Variants in LMO1 observed in about 807,000 individuals in gnomAD.
LMO1 encodes LIM domain only 1.
A neutral mutation model predicts 18.0 loss-of-function variants in LMO1; 10 were observed. The ratio of observed to expected loss-of-function variants is 0.55; its 90% CI spans 0.34 to 0.94. LMO1 has a LOEUF of 0.94. Among genes scored for constraint, LMO1 ranks in the 40% least tolerant of loss-of-function variants. LMO1 has a pLI of 0.02. For missense variants in LMO1, 183 were observed against 205.7 expected, an observed-to-expected ratio of 0.89 and a Z score of 0.68; for synonymous variants, 77 against 77.9, an observed-to-expected ratio of 0.99 and a Z score of 0.06.
Position 8,230,807 on chromosome 11 carries a change from TCTATCCC to T in LMO1, c.26-310_26-304del, listed in dbSNP as rs529340639. ...TGAGTTGTTCCTCCCTACCATGGCC[TCTATCCC>T]CTGTGCGGTCTCATCCGGAGTAAGC... On this transcript the variant is annotated intron_variant, in intron 1 of 3. Transcript: ENST00000335790. Among the ~76,000 whole-genome samples the T allele has an allele frequency of 1.5e-3, 235 of 152,318 alleles. 1 individual carries two copies. The highest frequency in any genetic ancestry group is 5.5e-3 in the African/African-American group (227 of 41,576).
At chr11:8,233,526 G>A (rs1041784353) in intron 1 of LMO1, among the ~76,000 whole-genome samples, 1 of 152,196 alleles carries the variant, frequency 6.6e-6, no homozygotes, top group African/African-American at 2.4e-5. Flanking sequence ...CTTCCTCATA[G>A]GGCATCCATG....
At chr11:8,227,543 C>A (rs7482131) in intron 2 of LMO1, among the ~76,000 whole-genome samples, 2 of 152,150 alleles carry the variant, frequency 1.3e-5, no homozygotes, top group Admixed American at 1.3e-4. Context: ...GAAACACACC[C>A]TTTATGGGGT....
intron 1 of LMO1, among the ~76,000 whole-genome samples, chr11:8,251,794 G>C (rs1230711244): frequency 7.3e-5 from 11 of 151,430 alleles, no homozygotes; most frequent in Non-Finnish European, 1.5e-5. Flanking sequence ...GAGGGGTGTG[G>C]AGTGCGTGTG....
chr11:8,243,827 G>C (rs1478440705), intron 1 of LMO1, among the ~76,000 whole-genome samples: 1 of 152,190 alleles, frequency 6.6e-6, no homozygotes, highest in South Asian at 2.1e-4. Flanking sequence ...GCCCACAGAG[G>C]ATGTTCCTGG....
chr11:8,236,145 C>T (rs114922407), intron 1 of LMO1, among the ~76,000 whole-genome samples: 1,837 of 152,162 alleles, frequency 0.012, 29 homozygotes, highest in African/African-American at 0.038. Context: ...AGCTCCAGGA[C>T]CCTCTGGCTG....
chr11:8,255,946 C>T (rs1847089405), intron 1 of LMO1, among the ~76,000 whole-genome samples: 1 of 151,086 alleles, frequency 6.6e-6, no homozygotes, highest in Non-Finnish European at 1.5e-5. Context: ...CTGCCTCAGC[C>T]TCCTGAGTAG....
intron 1 of LMO1, among the ~76,000 whole-genome samples, chr11:8,243,159 T>C (rs530808183): frequency 6.8e-4 from 104 of 152,290 alleles, no homozygotes; most frequent in African/African-American, 2.5e-3. Context: ...CTGGGATGCC[T>C]GCCTGAGGCA....
intron 1 of LMO1, among the ~76,000 whole-genome samples, chr11:8,240,427 G>C (rs1846764597): frequency 6.6e-6 from 1 of 152,136 alleles, no homozygotes; most frequent in South Asian, 2.1e-4. Flanking sequence ...CTCTGGTTTG[G>C]GGCAACAGCA....
intron 1 of LMO1, among the ~76,000 whole-genome samples, chr11:8,253,536 A>G (rs1406125496): frequency 6.6e-6 from 1 of 152,256 alleles, no homozygotes; most frequent in Non-Finnish European, 1.5e-5. Context: ...TTTTACAAAT[A>G]GGAAAACTGA....
chr11:8,266,113 A>G (rs1847258242), upstream of LMO1, among the ~76,000 whole-genome samples: 1 of 152,306 alleles, frequency 6.6e-6, no homozygotes, highest in Non-Finnish European at 1.5e-5. Flanking sequence ...CAGGTAGGGC[A>G]TGCCAGCAGG....
chr11:8,247,336 G>C (rs1025713726), intron 1 of LMO1, among the ~76,000 whole-genome samples: 2 of 152,182 alleles, frequency 1.3e-5, no homozygotes, highest in Non-Finnish European at 2.9e-5. Flanking sequence ...CCTGGCACAG[G>C]GATGTGCCAG....
intron 1 of LMO1, among the ~76,000 whole-genome samples, chr11:8,245,494 AG>A (rs1277886828): frequency 1.3e-5 from 2 of 152,208 alleles, no homozygotes; most frequent in Non-Finnish European, 1.5e-5. Context: ...CTAGGCAAGT[AG>A]TAGCTATTTA....
At position 8,224,710 on chromosome 11, in the gene LMO1, C is replaced by A; in HGVS notation, c.377G>T (p.Gly126Val). 1 of 1,601,604 alleles carries A rather than the reference C, an allele frequency of 6.2e-7. No individual in the cohort carries two copies. The highest frequency in any genetic ancestry group is 8.5e-7 in the Non-Finnish European group (1 of 1,173,118). ...GTTGTTCTTCAGGAAGAATTTGTCT[C>A]CCACACAAAATCTAGAAAATCCAAG... is the stretch of plus-strand genomic sequence containing the variant. ...CQLCNQRFCVGDKFFLKNNMI... is the reference protein window; with the variant it reads ...CQLCNQRFCVVDKFFLKNNMI... Residue 126 changes from glycine to valine, a missense_variant, in exon 4 of 4, where the codon GGA (glycine) becomes GTA (valine). Physicochemically the swap from Gly to Val is moderately radical, Grantham distance 109. Coordinates refer to ENST00000335790, the MANE Select transcript of LMO1 (RefSeq NM_002315.3).
At chr11:8,257,310 C>G (rs1847113554) in intron 1 of LMO1, among the ~76,000 whole-genome samples, 1 of 152,196 alleles carries the variant, frequency 6.6e-6, no homozygotes, top group African/African-American at 2.4e-5. Context: ...TCCTCCAACT[C>G]CAGACAGGAC....
At chr11:8,235,504 A>C (rs1952746990) in intron 1 of LMO1, among the ~76,000 whole-genome samples, 1 of 152,224 alleles carries the variant, frequency 6.6e-6, no homozygotes, top group African/African-American at 2.4e-5. Context: ...TTGACATAAC[A>C]TTATTATCTA....
chr11:8,253,473 A>C (rs1847038694), intron 1 of LMO1, among the ~76,000 whole-genome samples: 1 of 152,172 alleles, frequency 6.6e-6, no homozygotes, highest in Non-Finnish European at 1.5e-5. Flanking sequence ...AGAATGACTT[A>C]GCAGCAGAGG....
chr11:8,241,629 T>G (rs1410094008), intron 1 of LMO1, among the ~76,000 whole-genome samples: 1 of 152,182 alleles, frequency 6.6e-6, no homozygotes, highest in Non-Finnish European at 1.5e-5. Context: ...TATACTTGGC[T>G]CCTTCTCATC....
chr11:8,238,670 CAAAAAAAAAA>C lies in LMO1; in HGVS notation c.26-8176_26-8167del, dbSNP rs11375128. ...TGGGCGACAGAGTGAGACTCCATCT[CAAAAAAAAAA>C]AAAAAAAAAAAAGAATACTGGTTAC... On this transcript the variant is annotated intron_variant, in intron 1 of 3. Transcript: ENST00000335790. Among the ~76,000 whole-genome samples the C allele has an allele frequency of 2.9e-3, 178 of 60,888 alleles. 1 individual carries two copies. The highest frequency in any genetic ancestry group is 4.3e-3 in the Non-Finnish European group (152 of 35,108). 39.9% of individuals were successfully genotyped at this position (60,888 alleles called of 152,430 possible). A position where few individuals can be genotyped will look rare whatever the true frequency, so the allele number is the denominator to read the frequency against.
intron 3 of LMO1, 117 bp downstream of exon 3, chr11:8,226,858 A>G (rs953329723): frequency 1.4e-6 from 2 of 1,444,350 alleles, no homozygotes; most frequent in African/African-American, 2.8e-5. Context: ...ACGCACCACC[A>G]CATACACACA....
Sources: gnomAD v4.1 joint callset for allele counts (sites outside exome capture counted in the v4.1 genomes callset) on GRCh38, gnomAD v4.1.1 for gene constraint, MANE v1.5 for transcripts, NCBI Gene and HGNC (gene_info 2026-07-23, HGNC 2026-07-21) for gene names.